The following AKAP13 variants were observed in gnomAD, a reference collection of about 807,000 sequenced individuals.
AKAP13 encodes the protein A-kinase anchoring protein 13.
A neutral mutation model predicts 264.5 loss-of-function variants in AKAP13; 80 were observed. That is an observed-to-expected ratio of 0.30 (90% CI 0.25 to 0.36). AKAP13 has a LOEUF of 0.36. Ranked by LOEUF, AKAP13 falls within the 10% of genes least tolerant of loss-of-function variation. The probability of loss-of-function intolerance (pLI) is 1.00; values close to 1 mark genes in which losing one functional copy is unlikely to be tolerated. For missense variants in AKAP13, 3,712 were observed against 3,435.2 expected (o/e 1.08, Z -2.01); for synonymous variants, 1,380 against 1,250.2 (o/e 1.10, Z -2.19).
chr15:85,663,937 T>G (rs2151546068), intron 12 of AKAP13, among the ~76,000 whole-genome samples: 1 of 152,364 alleles, frequency 6.6e-6, no homozygotes, highest in East Asian at 1.9e-4. Context: ...ATTTGTTCAT[T>G]AAGGTGTTAT....
At chr15:85,404,564 C>A (rs1452365134) in intron 1 of AKAP13, among the ~76,000 whole-genome samples, 1 of 152,210 alleles carries the variant, frequency 6.6e-6, no homozygotes, top group Non-Finnish European at 1.5e-5. Context: ...CTTAGCTTTT[C>A]AAGCTAAGTC....
intron 13 of AKAP13, among the ~76,000 whole-genome samples, chr15:85,669,329 C>T (rs1021126556): frequency 6.6e-6 from 1 of 152,110 alleles, no homozygotes; most frequent in Admixed American, 6.5e-5. Flanking sequence ...TTTCAAAGAA[C>T]AAGTATTGTA....
rs1424410638 is a variant in AKAP13 at position 85,652,757 on chromosome 15, C to A, written c.4375-2660C>A. Among the ~76,000 whole-genome samples the A allele has an allele frequency of 2.0e-5, 3 of 152,168 alleles. No homozygotes were observed. The South Asian group carries it at 6.2e-4, about 31-fold the overall frequency. ...ATGGCCTCTCTTCTAGTCTCTGGTG[C>A]TTGTTCAGTCCTTGGTGTTCCTTGG... is the stretch of plus-strand genomic sequence containing the variant. On this transcript the variant is annotated intron_variant, in intron 10 of 36. Coordinates refer to ENST00000394518, the MANE Select transcript of AKAP13 (RefSeq NM_007200.5).
intron 23 of AKAP13, among the ~76,000 whole-genome samples, chr15:85,721,402 T>C (rs1190022074): frequency 3.3e-5 from 5 of 152,200 alleles, no homozygotes; most frequent in Admixed American, 3.3e-4. Flanking sequence ...AATCAATAAT[T>C]AGCATGTATT....
chr15:85,600,318 TAAA>T (rs5814205), intron 8 of AKAP13, among the ~76,000 whole-genome samples: 381 of 134,262 alleles, frequency 2.8e-3, no homozygotes, highest in Non-Finnish European at 4.7e-3. Context: ...AGCTTAGATT[TAAA>T]AAAAAAAAAA....
intron 1 of AKAP13, among the ~76,000 whole-genome samples, chr15:85,451,092 C>T (rs1413143486): frequency 1.3e-5 from 2 of 152,170 alleles, no homozygotes; most frequent in South Asian, 2.1e-4. Context: ...GAATTGAACC[C>T]TTTACCATTA....
chr15:85,473,840 C>T (rs759278979), intron 1 of AKAP13, among the ~76,000 whole-genome samples: 2 of 152,228 alleles, frequency 1.3e-5, no homozygotes, highest in Non-Finnish European at 2.9e-5. Flanking sequence ...GAGATGCCAT[C>T]TGTGCAGCAA....
At chr15:85,457,271 C>T (rs2074314103) in intron 1 of AKAP13, among the ~76,000 whole-genome samples, 1 of 152,136 alleles carries the variant, frequency 6.6e-6, no homozygotes, top group African/African-American at 2.4e-5. Flanking sequence ...TGAGGGCCTA[C>T]CGTAATATAT....
At chr15:85,415,170 G>A in intron 1 of AKAP13, 2 of 988,184 alleles carry the variant, frequency 2.0e-6, no homozygotes, top group South Asian at 2.7e-5. Flanking sequence ...AGATGTGACA[G>A]CACGCTGCCA....
Position 85,733,244 on chromosome 15 carries a change from C to T in AKAP13, c.7283-1748C>T, listed in dbSNP as rs79318507. Among the ~76,000 whole-genome samples the T allele has an allele frequency of 7.8e-3, 1,182 of 152,188 alleles. 17 individuals carry two copies. Among genetic ancestry groups the T allele is most frequent in the African/African-American group, 0.027 (1,110 of 41,522 alleles). On this transcript the variant is annotated intron_variant, in intron 30 of 36. Transcript: ENST00000394518. ...ATTTTGCTGAATATAAAATTATTGG[C>T]TTGTTCATATTTTCTTCCCCAAGGT...
intron 2 of AKAP13, among the ~76,000 whole-genome samples, chr15:85,510,756 G>A (rs2076390005): frequency 6.6e-6 from 1 of 152,216 alleles, no homozygotes; most frequent in African/African-American, 2.4e-5. Flanking sequence ...AGAGAACTCT[G>A]AAATATTTTA....
intron 8 of AKAP13, among the ~76,000 whole-genome samples, chr15:85,638,765 GTT>G (rs35884519): frequency 6.0e-5 from 9 of 148,958 alleles, no homozygotes; most frequent in African/African-American, 9.9e-5. Flanking sequence ...CTCTGAGCCT[GTT>G]TTTTTTTTTT....
In AKAP13 at chr15:85,656,022, ACCTTCAT is replaced by A. The variant is rs1474680774; in HGVS notation, c.4745+236_4745+242del. Among the ~76,000 whole-genome samples the A allele has an allele frequency of 3.2e-4, 48 of 152,290 alleles. No individual in the cohort carries two copies. In the East Asian group the frequency reaches 8.3e-3, roughly 26 times the overall value. On this transcript the variant is annotated intron_variant, in intron 11 of 36. Coordinates refer to ENST00000394518, the MANE Select transcript of AKAP13 (RefSeq NM_007200.5). ...GCTTTAATATTCTCATCTGTAAAAT[ACCTTCAT>A]TATTATTTTTAATAATACAATGAAA...
chr15:85,521,575 G>C lies in AKAP13; in HGVS notation c.181G>C (p.Gly61Arg). The C allele has an allele frequency of 6.2e-7, 1 of 1,613,588 alleles. No individual in the cohort carries two copies. The highest frequency in any genetic ancestry group is 8.5e-7 in the Non-Finnish European group (1 of 1,179,754). ...TGATACATTGGAGACCATTGCTCCT[G>C]GTAAGTATTTGAATGGGATCCTTAC... is the stretch of plus-strand genomic sequence containing the variant. ...SSDTLETIAP[G>R]HDCCETVKVQ... is the part of the protein sequence containing the mutation. Residue 61 changes from glycine (G) to arginine (R), a missense_variant and splice_region_variant, in exon 3 of 37, where the codon GGT becomes CGT. Gly to Arg is a moderately radical substitution (Grantham distance 125, BLOSUM62 -2). Around this residue, in one of 3 missense-constraint regions of AKAP13, gnomAD observed 2,759 missense variants for 2,411.7 expected, o/e 1.14. Transcript: ENST00000394518.
chr15:85,587,170 C>G (rs942091020), intron 8 of AKAP13, among the ~76,000 whole-genome samples: 13 of 152,182 alleles, frequency 8.5e-5, no homozygotes, highest in African/African-American at 3.1e-4. Context: ...TTCCTTCACT[C>G]TTCCCTCCCC....
At chr15:85,725,523 C>G (rs931770587) in intron 26 of AKAP13, among the ~76,000 whole-genome samples, 5 of 152,128 alleles carry the variant, frequency 3.3e-5, no homozygotes, top group Non-Finnish European at 7.4e-5. Flanking sequence ...ATCAGATGTC[C>G]TTGCTTCTGT....
rs1159543276 is a variant in AKAP13, at chr15:85,723,131, G to A, written c.6556G>A (p.Gly2186Arg). 2.5e-6 allele frequency: 4 copies of A among 1,614,172 alleles called. No individual in the cohort carries two copies. The highest frequency in any genetic ancestry group is 2.7e-5 in the African/African-American group (2 of 75,050). ...CTTGAGCCTGGTGAAGGATGTGATT[G>A]GAGCTGTAGACAGCAAAGTGGCAAG... ...QSLSLVKDVI[G>R]AVDSKVASYE... Residue 2186 changes from glycine (G) to arginine (R), a missense_variant, in exon 26 of 37, where the codon GGA (glycine) becomes AGA (arginine). Physicochemically the swap from Gly to Arg is moderately radical, Grantham distance 125. Transcript: ENST00000394518.
chr15:85,587,637 CTTTTA>C (rs1169973304), intron 8 of AKAP13, among the ~76,000 whole-genome samples: 2 of 151,990 alleles, frequency 1.3e-5, no homozygotes, highest in African/African-American at 4.8e-5. Context: ...AAGCTATTAA[CTTTTA>C]TTTTATTTTA....
chr15:85,718,245 A>G lies in AKAP13; in HGVS notation c.6001+86A>G. 2 of 1,502,998 alleles carry G rather than the reference A, an allele frequency of 1.3e-6. No individual in the cohort carries two copies. The highest frequency in any genetic ancestry group is 9.1e-7 in the Non-Finnish European group (1 of 1,104,590). 93.1% of individuals were successfully genotyped at this position (1,502,998 alleles called of 1,614,324 possible). A position where few individuals can be genotyped will look rare whatever the true frequency, so the allele number is the denominator to read the frequency against. On this transcript the variant is annotated intron_variant, in intron 22 of 36. Transcript: ENST00000394518. This position sits in a 1 kb window ranked among gnomAD's most constrained non-coding sequence, Gnocchi z 4.9. ...GTAATTTGTTGGACTATGAAAAATC[A>G]GTTTTTTAGTATGTGGCTTCTTGAA...
Sources: gnomAD v4.1 joint callset for allele counts (sites outside exome capture counted in the v4.1 genomes callset) on GRCh38, gnomAD v4.1.1 for gene constraint, gnomAD v4.1.1 regional missense constraint, Gnocchi (gnomAD v3.1) non-coding constraint, MANE v1.5 for transcripts, NCBI Gene and HGNC (gene_info 2026-07-23, HGNC 2026-07-21) for gene names.